PRKD3: variants seen among roughly 807,000 people sequenced by gnomAD.
The protein encoded by PRKD3 is serine/threonine-protein kinase D3.
In PRKD3, 47 loss-of-function variants were observed where a neutral mutation model predicts 99.2. That is an observed-to-expected ratio of 0.47 (90% confidence interval 0.38 to 0.60). PRKD3 has a LOEUF of 0.60. Among genes scored for constraint, PRKD3 ranks in the 20% least tolerant of loss-of-function variants. The pLI, the probability that PRKD3 is intolerant of heterozygous loss-of-function variation, is 0.00. For missense variants in PRKD3, 1,019 were observed against 1,088.4 expected (o/e 0.94, Z 0.90); for synonymous variants, 392 against 355.4 (o/e 1.10, Z -1.16).
chr2:37,307,735 A>G (rs2124884012), intron 2 of PRKD3, among the ~76,000 whole-genome samples: 1 of 152,316 alleles, frequency 6.6e-6, no homozygotes, highest in East Asian at 1.9e-4. Flanking sequence ...AACAACAACA[A>G]CAGTAAAAGA....
At chr2:37,304,046 C>T (rs970915486) in intron 2 of PRKD3, among the ~76,000 whole-genome samples, 6 of 152,054 alleles carry the variant, frequency 3.9e-5, no homozygotes, top group Non-Finnish European at 5.9e-5. Context: ...TGAATACCAA[C>T]GTCATTTTAA....
intron 11 of PRKD3, among the ~76,000 whole-genome samples, chr2:37,273,779 C>A (rs1330955361): frequency 6.6e-6 from 1 of 152,174 alleles, no homozygotes; most frequent in African/African-American, 2.4e-5. Flanking sequence ...CCATAAGCAA[C>A]ATAATGTTAA....
At chr2:37,271,554 A>C (rs1297086877) in intron 12 of PRKD3, among the ~76,000 whole-genome samples, 1 of 152,172 alleles carries the variant, frequency 6.6e-6, no homozygotes, top group Non-Finnish European at 1.5e-5. Context: ...GCGGCCTGTT[A>C]GGAACCAGGC....
Position 37,316,628 on chromosome 2 carries a change from T to C in PRKD3, c.-104A>G. 6.7e-7 allele frequency: 1 copy of C among 1,494,614 alleles called. No homozygotes were observed. Among genetic ancestry groups the C allele is most frequent in the Non-Finnish European group, 8.9e-7 (1 of 1,129,258 alleles). The allele number at this position is 1,494,614 out of a possible 1,614,324, so 92.6% of individuals were successfully genotyped here. Reference sequence around the variant, plus strand: ...AAAGAAAATGACCGCACTTTTGGATTTAGTTGAAAACTTCTTTATTTCCTC... The same window carrying C: ...AAAGAAAATGACCGCACTTTTGGATCTAGTTGAAAACTTCTTTATTTCCTC... On this transcript the variant is annotated 5_prime_UTR_variant, in exon 2 of 19. Coordinates refer to ENST00000234179, the MANE Select transcript of PRKD3 (RefSeq NM_005813.6).
intron 13 of PRKD3, 174 bp from the exon 14 acceptor site, chr2:37,267,710 T>G (rs1490766714): frequency 1.8e-6 from 1 of 558,606 alleles, no homozygotes; most frequent in Non-Finnish European, 3.1e-6. Flanking sequence ...TGTTTTCCCC[T>G]CCATACATAA....
intron 2 of PRKD3, among the ~76,000 whole-genome samples, chr2:37,300,919 T>C (rs1413212869): frequency 1.3e-5 from 2 of 152,226 alleles, no homozygotes; most frequent in Non-Finnish European, 2.9e-5. Context: ...CTGCAAGTAA[T>C]ATATTGAGTA....
chr2:37,307,414 C>G (rs569237194), intron 2 of PRKD3, among the ~76,000 whole-genome samples: 4 of 152,184 alleles, frequency 2.6e-5, no homozygotes, highest in Admixed American at 1.3e-4. Context: ...ACAATCTAAG[C>G]TAGTGGGATC....
rs574702859 is a variant in PRKD3, at chr2:37,289,276, G to A, written c.717+80C>T. The stretch of plus-strand genomic sequence containing the variant: ...TACCATTCTTTAGCATATAAATTAT[G>A]TTCTAGAGTGATGTCATACACCCTG... On this transcript the variant is annotated intron_variant, in intron 5 of 18. Coordinates refer to ENST00000234179, the MANE Select transcript of PRKD3 (RefSeq NM_005813.6). 1.2e-5 allele frequency: 18 copies of A among 1,453,216 alleles called. No homozygotes were observed. The East Asian group carries it at 2.1e-4, about 17-fold the overall frequency. The allele number at this position is 1,453,216 out of a possible 1,614,324, so 90.0% of individuals were successfully genotyped here.
chr2:37,267,638 T>C, intron 13 of PRKD3, 102 bp from the exon 14 acceptor site: 2 of 902,078 alleles, frequency 2.2e-6, no homozygotes, highest in South Asian at 1.5e-5. Context: ...TTGAATTTTC[T>C]TTTTGGCTCA....
intron 16 of PRKD3, 35 bp downstream of exon 16, chr2:37,259,548 C>T (rs371547439): frequency 7.2e-5 from 110 of 1,517,804 alleles, no homozygotes; most frequent in South Asian, 1.4e-4. Flanking sequence ...AAAATGTTGC[C>T]AGAATCATTT....
Position 37,281,370 on chromosome 2 carries a change from G to T in PRKD3, c.988+1172C>A, listed in dbSNP as rs535242575. Among the ~76,000 whole-genome samples the T allele has an allele frequency of 5.3e-5, 8 of 152,306 alleles. No homozygotes were observed. The South Asian group carries it at 1.2e-3, about 24-fold the overall frequency. The stretch of plus-strand genomic sequence containing the variant: ...TTAACCGAAAGAGAAAACCAATCAT[G>T]CTCTGTCAAGGTGTTAATCAGTGCT... On this transcript the variant is annotated intron_variant, in intron 7 of 18. Transcript: ENST00000234179.
chr2:37,320,728 G>A (rs1479633553), intron 1 of PRKD3, among the ~76,000 whole-genome samples: 1 of 151,910 alleles, frequency 6.6e-6, no homozygotes, highest in Admixed American at 6.6e-5. Flanking sequence ...CACTGCACCT[G>A]GCCCAAATTA....
At chr2:37,315,806 C>T (rs181914857) in intron 2 of PRKD3, among the ~76,000 whole-genome samples, 12 of 152,330 alleles carry the variant, frequency 7.9e-5, no homozygotes, top group Admixed American at 5.2e-4. Context: ...CTGCAACCTC[C>T]GCCGCCTGCC....
chr2:37,262,768 A>G (rs1443184708), intron 14 of PRKD3, among the ~76,000 whole-genome samples: 2 of 152,028 alleles, frequency 1.3e-5, no homozygotes, highest in Non-Finnish European at 2.9e-5. Context: ...AACTTCCTCT[A>G]TTGGTTTACA....
chr2:37,269,502 TAAAA>T, intron 13 of PRKD3, 109 bp downstream of exon 13: 2 of 838,780 alleles, frequency 2.4e-6, no homozygotes, highest in Non-Finnish European at 4.0e-6. Flanking sequence ...AGTCAGCCTT[TAAAA>T]AAAAGGCACT....
chr2:37,256,516 G>C lies in PRKD3; in HGVS notation c.2413+146C>G, dbSNP rs564740303. 81 of 1,093,706 alleles carry C rather than the reference G, an allele frequency of 7.4e-5. No individual in the cohort carries two copies. The South Asian group carries it at 1.3e-3, about 17-fold the overall frequency. 67.8% of individuals were successfully genotyped at this position (1,093,706 alleles called of 1,614,324 possible). A position where few individuals can be genotyped will look rare whatever the true frequency, so the allele number is the denominator to read the frequency against. On this transcript the variant is annotated intron_variant, in intron 17 of 18. Transcript: ENST00000234179. Reference sequence around the variant, plus strand: ...TAAAAAGAAGAGTGCTCAAAAAACTGGTAACTAGTTGAATTTGGAAGATGA... The same window carrying C: ...TAAAAAGAAGAGTGCTCAAAAAACTCGTAACTAGTTGAATTTGGAAGATGA...
chr2:37,260,249 G>A lies in PRKD3; in HGVS notation c.2020C>T (p.Arg674Ter), dbSNP rs1404288610. The A allele has an allele frequency of 1.2e-6, 2 of 1,609,986 alleles. No homozygotes were observed. The highest frequency in any genetic ancestry group is 1.7e-6 in the Non-Finnish European group (2 of 1,177,520). Residue 674 changes from arginine to a stop codon, truncating the protein, a stop_gained, in exon 15 of 19, where the codon CGA becomes TGA. Coordinates refer to ENST00000234179, the MANE Select transcript of PRKD3 (RefSeq NM_005813.6). LOFTEE classifies it high-confidence loss of function. ...TGTGTGACCATGAATTTAGTAATTCGTTCTGGAAGCCGACTTTTCTCACTG... is the reference window on the plus strand; with the variant it reads ...TGTGTGACCATGAATTTAGTAATTCATTCTGGAAGCCGACTTTTCTCACTG... ...LSSEKSRLPE[R>*]ITKFMVTQIL...
At chr2:37,294,069 A>C (rs188850884) in intron 2 of PRKD3, among the ~76,000 whole-genome samples, 55 of 152,306 alleles carry the variant, frequency 3.6e-4, no homozygotes, top group Non-Finnish European at 6.3e-4. Flanking sequence ...TTCTCATTAG[A>C]AAAGTCCTGT....
Position 37,267,480 on chromosome 2 carries a change from A to T in PRKD3, c.1834T>A (p.Phe612Ile), listed in dbSNP as rs1433855918. 1 of 1,610,974 alleles carries T rather than the reference A, an allele frequency of 6.2e-7. No individual in the cohort carries two copies. Among genetic ancestry groups the T allele is most frequent in the Admixed American group, 1.7e-5 (1 of 59,930 alleles). Reference protein sequence around the residue: ...VAIKVIDKMRFPTKQESQLRN... With the variant: ...VAIKVIDKMRIPTKQESQLRN... The stretch of plus-strand genomic sequence containing the variant: ...AGTTGACTTTCTTGTTTTGTGGGGA[A>T]TCTCATCTTATCAATTACTTTAATA... The change falls in exon 14 of 19, where the codon TTC (phenylalanine) becomes ATC (isoleucine). Residue 612 changes from phenylalanine (F) to isoleucine (I), a missense_variant. Transcript: ENST00000234179.
Sources: gnomAD v4.1 joint callset for allele counts (sites outside exome capture counted in the v4.1 genomes callset) on GRCh38, gnomAD v4.1.1 for gene constraint, MANE v1.5 for transcripts, NCBI Gene and HGNC (gene_info 2026-07-23, HGNC 2026-07-21) for gene names.